RFX2: variants seen among roughly 807,000 people sequenced by gnomAD.
RFX2 encodes DNA-binding protein RFX2.
In RFX2, 20 loss-of-function variants were observed where a neutral mutation model predicts 87.8. That is an observed-to-expected ratio of 0.23 (90% CI 0.16 to 0.33). The LOEUF (loss-of-function observed/expected upper bound fraction) is 0.33, where lower values mean the gene tolerates loss of function less well. Ranked by LOEUF, RFX2 falls within the 10% of genes least tolerant of loss-of-function variation. The probability of loss-of-function intolerance (pLI) is 1.00; values close to 1 mark genes in which losing one functional copy is unlikely to be tolerated. For missense variants in RFX2, 767 were observed against 1,012.3 expected (o/e 0.76, Z 3.29); for synonymous variants, 397 against 431.3 (o/e 0.92, Z 0.98).
chr19:6,026,284 A>T lies in RFX2; in HGVS notation c.523-47T>A. ...ACAAAACAAAACAAAATGGAAAAAAAAAAAAAGGAAATCAGATGGTTAGCA... is the reference window on the plus strand; with the variant it reads ...ACAAAACAAAACAAAATGGAAAAAATAAAAAAGGAAATCAGATGGTTAGCA... On this transcript the variant is annotated intron_variant, in intron 5 of 17. Transcript: ENST00000303657. The surrounding 1 kb of genome is among the most constrained non-coding windows in gnomAD (Gnocchi z 4.5). 6.7e-7 allele frequency: 1 copy of T among 1,503,518 alleles called. No homozygotes were observed. Among genetic ancestry groups the T allele is most frequent in the South Asian group, 1.2e-5 (1 of 85,372 alleles). 93.1% of individuals were successfully genotyped at this position (1,503,518 alleles called of 1,614,324 possible).
rs1259963676 is a variant in RFX2, at chr19:6,026,946, A to G, written c.523-709T>C. ...TTTGAGTTGGATCCTGAAGGACCTG[A>G]TGGAGGTGGGGAGGGAGGTGGGCGG... On this transcript the variant is annotated intron_variant, in intron 5 of 17. Coordinates refer to ENST00000303657, the MANE Select transcript of RFX2 (RefSeq NM_000635.4). The surrounding 1 kb of genome is among the most constrained non-coding windows in gnomAD (Gnocchi z 4.5). Among the ~76,000 whole-genome samples the G allele has an allele frequency of 6.6e-6, 1 of 152,126 alleles. No homozygotes were observed. Among genetic ancestry groups the G allele is most frequent in the Non-Finnish European group, 1.5e-5 (1 of 67,992 alleles).
At chr19:6,018,647 A>T (rs2086763506) in intron 6 of RFX2, among the ~76,000 whole-genome samples, 1 of 152,242 alleles carries the variant, frequency 6.6e-6, no homozygotes, top group East Asian at 1.9e-4. Flanking sequence ...GGAACCAAAG[A>T]GCTGAGGACA....
intron 1 of RFX2, among the ~76,000 whole-genome samples, chr19:6,095,267 T>C (rs1200600750): frequency 6.6e-6 from 1 of 152,190 alleles, no homozygotes; most frequent in Non-Finnish European, 1.5e-5. Context: ...AATTCACAAA[T>C]ATTTTAAGAG....
rs2086906514 is a variant in RFX2 at position 6,027,506 on chromosome 19, G to C, written c.523-1269C>G. ...TGGGGCCATTCTGATCTGCAGCTTG[G>C]GCAGCCACGTGAGTACTGCCCTGTG... On this transcript the variant is annotated intron_variant, in intron 5 of 17. Transcript: ENST00000303657. The surrounding 1 kb of genome is among the most constrained non-coding windows in gnomAD (Gnocchi z 5.0). Among the ~76,000 whole-genome samples, 1 of 152,164 alleles carries C rather than the reference G, an allele frequency of 6.6e-6. No homozygotes were observed. The highest frequency in any genetic ancestry group is 2.4e-5 in the African/African-American group (1 of 41,444).
rs377703728 is a variant in RFX2, at chr19:6,044,178, G to A, written c.180+15C>T. The stretch of plus-strand genomic sequence containing the variant: ...TGCGCCCCGGTTTGCACGGTGCTGC[G>A]GTGCTTGTCATTACCTGCTGGGGTA... On this transcript the variant is annotated intron_variant, in intron 3 of 17. Coordinates refer to ENST00000303657, the MANE Select transcript of RFX2 (RefSeq NM_000635.4). This position sits in a 1 kb window ranked among gnomAD's most constrained non-coding sequence, Gnocchi z 5.3. 1.7e-3 allele frequency: 2,611 copies of A among 1,513,168 alleles called. 9 individuals carry two copies. The highest frequency in any genetic ancestry group is 2.2e-3 in the Non-Finnish European group (2,459 of 1,125,738). The allele number at this position is 1,513,168 out of a possible 1,614,324, so 93.7% of individuals were successfully genotyped here.
chr19:6,065,701 G>C (rs2087500186), intron 1 of RFX2, among the ~76,000 whole-genome samples: 1 of 152,178 alleles, frequency 6.6e-6, no homozygotes. Flanking sequence ...ATAGTCCTAA[G>C]ATTAGCTGAA....
chr19:6,098,241 C>T (rs1190396006), intron 1 of RFX2, among the ~76,000 whole-genome samples: 1 of 152,104 alleles, frequency 6.6e-6, no homozygotes, highest in Non-Finnish European at 1.5e-5. Flanking sequence ...ATCCCAGCCT[C>T]AGTGGTTTAT....
rs2087470972 is a variant in RFX2 at position 6,063,677 on chromosome 19, A to AT, written c.-8-16174_-8-16173insA. 6.6e-6 allele frequency among the ~76,000 whole-genome samples: 1 copy of AT among 152,226 alleles called. No homozygotes were observed. Among genetic ancestry groups the AT allele is most frequent in the Non-Finnish European group, 1.5e-5 (1 of 68,028 alleles). ...TGAGCAGTGGGGAAACCCTCTCTCC[A>AT]GTCAGCTTGTCATGTCATACAGGCT... On this transcript the variant is annotated intron_variant, in intron 1 of 17. Coordinates refer to ENST00000303657, the MANE Select transcript of RFX2 (RefSeq NM_000635.4). This position sits in a 1 kb window ranked among gnomAD's most constrained non-coding sequence, Gnocchi z 4.0.
At position 6,007,512 on chromosome 19, in the gene RFX2, GA is replaced by G. The variant is rs1240310395; in HGVS notation, c.1247+177del. On this transcript the variant is annotated intron_variant, in intron 11 of 17. Transcript: ENST00000303657. This position sits in a 1 kb window ranked among gnomAD's most constrained non-coding sequence, Gnocchi z 8.2. Reference sequence around the variant, plus strand: ...AACAGTCTGACCCTGCAAAGGGGCGGATGGCAATGTGAATTTCAAGTCAACT... The same window carrying G: ...AACAGTCTGACCCTGCAAAGGGGCGGTGGCAATGTGAATTTCAAGTCAACT... 1.3e-5 allele frequency among the ~76,000 whole-genome samples: 2 copies of G among 152,200 alleles called. No homozygotes were observed. Among genetic ancestry groups the G allele is most frequent in the African/African-American group, 4.8e-5 (2 of 41,460 alleles).
At chr19:6,102,023 A>G (rs1037433001) in intron 1 of RFX2, among the ~76,000 whole-genome samples, 1 of 152,240 alleles carries the variant, frequency 6.6e-6, no homozygotes, top group Non-Finnish European at 1.5e-5. Context: ...TGCTAAGTGA[A>G]ATAATCCAGT....
chr19:6,071,602 C>A (rs1447217443), intron 1 of RFX2, among the ~76,000 whole-genome samples: 2 of 152,234 alleles, frequency 1.3e-5, no homozygotes, highest in Non-Finnish European at 2.9e-5. Context: ...AAAGGACATT[C>A]TATTTCTGTC....
chr19:6,013,023 T>C lies in RFX2; in HGVS notation c.862A>G (p.Met288Val), dbSNP rs775896111. The change falls in exon 8 of 18, where the codon ATG (methionine) becomes GTG (valine). Residue 288 changes from methionine to valine, a missense_variant. By Grantham distance (21) the Met-to-Val change is conservative (BLOSUM62 1). Coordinates refer to ENST00000303657, the MANE Select transcript of RFX2 (RefSeq NM_000635.4). This position sits in a 1 kb window ranked among gnomAD's most constrained non-coding sequence, Gnocchi z 4.1. ...LNRLQEDTQY[M>V]AMRQQPMHQK... ...TGCATGGGCTGCTGCCGCATGGCCATGTACTGCGTGTCCTCCTGCAGCCGG... is the reference window on the plus strand; with the variant it reads ...TGCATGGGCTGCTGCCGCATGGCCACGTACTGCGTGTCCTCCTGCAGCCGG... 1.9e-6 allele frequency: 3 copies of C among 1,601,718 alleles called. No homozygotes were observed. The highest frequency in any genetic ancestry group is 1.7e-5 in the Admixed American group (1 of 57,556).
At chr19:6,104,716 A>G (rs938543384) in intron 1 of RFX2, among the ~76,000 whole-genome samples, 2 of 152,040 alleles carry the variant, frequency 1.3e-5, no homozygotes, top group Non-Finnish European at 2.9e-5. Context: ...GCAGCTCTCA[A>G]CTCTTCATTT....
At chr19:6,073,297 C>G (rs936826672) in intron 1 of RFX2, 3 of 1,074,792 alleles carry the variant, frequency 2.8e-6, no homozygotes, top group Non-Finnish European at 4.2e-6. Context: ...ATCTTGATGC[C>G]CAACACTGGT....
rs927569247 is a variant in RFX2 at position 5,995,512 on chromosome 19, T to C, written c.2056+89A>G. ...CCAAGGGGCTGCCCGCATTTCCACC[T>C]GTTCATCATGAGATGGGGCAGACAG... On this transcript the variant is annotated intron_variant, in intron 17 of 17. Coordinates refer to ENST00000303657, the MANE Select transcript of RFX2 (RefSeq NM_000635.4). 15 of 1,311,566 alleles carry C rather than the reference T, an allele frequency of 1.1e-5. No homozygotes were observed. In the African/African-American group the frequency reaches 2.0e-4, roughly 18 times the overall value. 81.2% of individuals were successfully genotyped at this position (1,311,566 alleles called of 1,614,324 possible).
At position 6,021,497 on chromosome 19, in the gene RFX2, A is replaced by G. The variant is rs929315512; in HGVS notation, c.597+4666T>C. On this transcript the variant is annotated intron_variant, in intron 6 of 17. Coordinates refer to ENST00000303657, the MANE Select transcript of RFX2 (RefSeq NM_000635.4). This position sits in a 1 kb window ranked among gnomAD's most constrained non-coding sequence, Gnocchi z 5.7. ...GGACTGGAGGGAGGACTGCAACGGT[A>G]TAGTAAGTTGAGGTGGGGTGGGGGT... 6.6e-6 allele frequency among the ~76,000 whole-genome samples: 1 copy of G among 152,078 alleles called. No homozygotes were observed. Among genetic ancestry groups the G allele is most frequent in the African/African-American group, 2.4e-5 (1 of 41,402 alleles).
chr19:6,073,152 G>C, intron 1 of RFX2: 1 of 439,780 alleles, frequency 2.3e-6, no homozygotes, highest in South Asian at 2.1e-5. Context: ...GCTAGTTTTT[G>C]TATTTTTATT....
At position 5,998,348 on chromosome 19, in the gene RFX2, A is replaced by G. The variant is rs911937912; in HGVS notation, c.1860-1135T>C. Reference sequence around the variant, plus strand: ...AGTGGAACAATGTCTCAGTCCTCCTATAAGACCTAAAGGACTTATATACAG... The same window carrying G: ...AGTGGAACAATGTCTCAGTCCTCCTGTAAGACCTAAAGGACTTATATACAG... On this transcript the variant is annotated intron_variant, in intron 15 of 17. Transcript: ENST00000303657. This position sits in a 1 kb window ranked among gnomAD's most constrained non-coding sequence, Gnocchi z 4.2. 2.0e-5 allele frequency among the ~76,000 whole-genome samples: 3 copies of G among 152,206 alleles called. No individual in the cohort carries two copies. Among genetic ancestry groups the G allele is most frequent in the African/African-American group, 7.2e-5 (3 of 41,452 alleles).
At chr19:6,092,715 G>C (rs1169289748) in intron 1 of RFX2, among the ~76,000 whole-genome samples, 1 of 151,164 alleles carries the variant, frequency 6.6e-6, no homozygotes, top group Admixed American at 6.6e-5. Context: ...ACACGTTCCA[G>C]AGGAGGGGCC....
Sources: gnomAD v4.1 joint callset for allele counts (sites outside exome capture counted in the v4.1 genomes callset) on GRCh38, gnomAD v4.1.1 for gene constraint, Gnocchi (gnomAD v3.1) non-coding constraint, MANE v1.5 for transcripts, NCBI Gene and HGNC (gene_info 2026-07-23, HGNC 2026-07-21) for gene names.